Variants in CXCL13 observed in about 807,000 individuals in gnomAD.
The protein encoded by CXCL13 is C-X-C motif chemokine ligand 13, also known as C-X-C motif chemokine 13.
Under a neutral mutation model 12.2 loss-of-function variants are expected in CXCL13, and 7 were observed. The ratio of observed to expected loss-of-function variants is 0.57; its 90% confidence interval spans 0.33 to 1.07. CXCL13 has a LOEUF of 1.07. Among genes scored for constraint, CXCL13 ranks in the 50% least tolerant of loss-of-function variants. CXCL13 has a pLI of 0.04. For synonymous variants in CXCL13, 47 were observed against 42.4 expected, an observed-to-expected ratio of 1.11 and a Z score of -0.42; for missense variants, 113 against 127.4, an observed-to-expected ratio of 0.89 and a Z score of 0.55.
intron 1 of CXCL13, among the ~76,000 whole-genome samples, chr4:77,573,798 C>T (rs1397292893): frequency 6.6e-6 from 1 of 151,796 alleles, no homozygotes; most frequent in Non-Finnish European, 1.5e-5. Context: ...TGGTTTGATA[C>T]CTGTGGGACT....
chr4:77,524,348 T>C (rs1724706430), intron 1 of CXCL13, among the ~76,000 whole-genome samples: 1 of 152,210 alleles, frequency 6.6e-6, no homozygotes, highest in South Asian at 2.1e-4. Flanking sequence ...GTGGAGTCTA[T>C]AGAGGCAGTA....
chr4:77,589,338 C>A (rs1471543659), intron 1 of CXCL13, among the ~76,000 whole-genome samples: 2 of 152,262 alleles, frequency 1.3e-5, no homozygotes, highest in South Asian at 4.1e-4. Flanking sequence ...ATGTATCCAG[C>A]CCTTTGTCAC....
chr4:77,520,195 C>A (rs182355019), intron 1 of CXCL13, among the ~76,000 whole-genome samples: 2 of 152,062 alleles, frequency 1.3e-5, no homozygotes, highest in African/African-American at 4.8e-5. Context: ...CTTGGCAATG[C>A]GGGCTCTTTT....
chr4:77,549,128 C>A (rs1042349433), intron 1 of CXCL13, among the ~76,000 whole-genome samples: 4 of 152,166 alleles, frequency 2.6e-5, no homozygotes, highest in Non-Finnish European at 5.9e-5. Context: ...TGGATCGAAT[C>A]AGCTACTGAA....
chr4:77,546,657 G>A (rs1327564444), intron 1 of CXCL13, among the ~76,000 whole-genome samples: 1 of 151,712 alleles, frequency 6.6e-6, no homozygotes, highest in East Asian at 1.9e-4. Flanking sequence ...AGTCTTGCTA[G>A]CGGTCTATTT....
chr4:77,572,309 G>C (rs576271306), intron 1 of CXCL13, among the ~76,000 whole-genome samples: 22 of 151,942 alleles, frequency 1.4e-4, no homozygotes, highest in Non-Finnish European at 2.8e-4. Context: ...GCTGAGGCAT[G>C]AGAAGCATTT....
chr4:77,591,081 G>A (rs1467220412), intron 1 of CXCL13, among the ~76,000 whole-genome samples: 2 of 152,168 alleles, frequency 1.3e-5, no homozygotes, highest in Admixed American at 6.5e-5. Flanking sequence ...GTTTTGCCAC[G>A]TTGGCTAGGC....
intron 1 of CXCL13, among the ~76,000 whole-genome samples, chr4:77,567,773 C>A (rs1179459886): frequency 2.6e-5 from 4 of 152,162 alleles, no homozygotes; most frequent in Admixed American, 2.6e-4. Flanking sequence ...TGTTCAGAAG[C>A]TACTCTGTAT....
chr4:77,583,330 T>G (rs1726382168), intron 1 of CXCL13, among the ~76,000 whole-genome samples: 1 of 152,176 alleles, frequency 6.6e-6, no homozygotes. Context: ...AATCCCTGAG[T>G]GATGCCTTCC....
chr4:77,590,319 C>T (rs1726575134), intron 1 of CXCL13, among the ~76,000 whole-genome samples: 1 of 152,096 alleles, frequency 6.6e-6, no homozygotes, highest in South Asian at 2.1e-4. Context: ...TTCCCAGCAG[C>T]GTAATAAGTG....
At chr4:77,587,567 T>C (rs1344896176) in intron 1 of CXCL13, among the ~76,000 whole-genome samples, 1 of 152,204 alleles carries the variant, frequency 6.6e-6, no homozygotes, top group African/African-American at 2.4e-5. Flanking sequence ...AAAACTGATA[T>C]TCATCATGAT....
intron 1 of CXCL13, among the ~76,000 whole-genome samples, chr4:77,523,398 T>C (rs1724667698): frequency 6.6e-6 from 1 of 152,222 alleles, no homozygotes. Flanking sequence ...CTTGGAGGCT[T>C]CGTTCATTTC....
chr4:77,566,743 A>G lies in CXCL13; in HGVS notation c.-42-39081A>G, dbSNP rs1725931986. On this transcript the variant is annotated intron_variant, in intron 1 of 4. Transcript: ENST00000286758. ...TCCTTGGCCCTTTTAATCCTAAATT[A>G]CCCTCTTTATAGCAAGGAGTAAAAC... is the stretch of plus-strand genomic sequence containing the variant. Among the ~76,000 whole-genome samples, 4 of 152,300 alleles carry G rather than the reference A, an allele frequency of 2.6e-5. No individual in the cohort carries two copies. In the South Asian group the frequency reaches 8.3e-4, roughly 32 times the overall value.
chr4:77,559,599 G>T (rs1377395432), intron 1 of CXCL13, among the ~76,000 whole-genome samples: 1 of 151,966 alleles, frequency 6.6e-6, no homozygotes, highest in Non-Finnish European at 1.5e-5. Context: ...CCGTGTGTGT[G>T]TGTGTGTGTG....
intron 1 of CXCL13, among the ~76,000 whole-genome samples, chr4:77,588,052 A>G (rs930664223): frequency 1.3e-4 from 20 of 152,186 alleles, no homozygotes; most frequent in African/African-American, 4.6e-4. Context: ...GATGTAGGGC[A>G]CCAGTATCCA....
At chr4:77,579,321 T>C (rs1249278039) in intron 1 of CXCL13, among the ~76,000 whole-genome samples, 1 of 152,216 alleles carries the variant, frequency 6.6e-6, no homozygotes, top group East Asian at 1.9e-4. Context: ...GGGTGGAATT[T>C]TGGAAAGCTG....
chr4:77,584,346 C>T (rs1016786891), intron 1 of CXCL13, among the ~76,000 whole-genome samples: 1 of 152,176 alleles, frequency 6.6e-6, no homozygotes, highest in African/African-American at 2.4e-5. Context: ...CATCAGCATG[C>T]CTTGTCTTCA....
rs149494650 is a variant in CXCL13 at position 77,561,895 on chromosome 4, C to T, written c.-42-43929C>T. 7.7e-4 allele frequency among the ~76,000 whole-genome samples: 117 copies of T among 152,248 alleles called. No homozygotes were observed. The Middle Eastern group carries it at 0.027, about 35-fold the overall frequency. ...TTGTGGGGTGATGTGGAGGGAAAGGCGCAGGTGGGAACCTGGGCTGCGCCC... is the reference window on the plus strand; with the variant it reads ...TTGTGGGGTGATGTGGAGGGAAAGGTGCAGGTGGGAACCTGGGCTGCGCCC... On this transcript the variant is annotated intron_variant, in intron 1 of 4. Coordinates refer to the CXCL13 transcript ENST00000286758.
chr4:77,520,322 A>C (rs4522888), intron 1 of CXCL13, among the ~76,000 whole-genome samples: 7 of 152,118 alleles, frequency 4.6e-5, no homozygotes, highest in Admixed American at 1.3e-4. Flanking sequence ...ACCATTTTCA[A>C]GATATTGATT....
Sources: allele counts gnomAD v4.1 joint callset (sites outside exome capture counted in the v4.1 genomes callset), GRCh38; gene constraint gnomAD v4.1.1; transcripts MANE v1.5; gene names NCBI Gene and HGNC (gene_info 2026-07-23, HGNC 2026-07-21).